TSHR: variants seen among roughly 807,000 people sequenced by gnomAD.
TSHR encodes the protein thyrotropin receptor.
A neutral mutation model predicts 64.1 loss-of-function variants in TSHR; 51 were observed. That is an observed-to-expected ratio of 0.80 (90% confidence interval 0.64 to 1.01). TSHR has a LOEUF of 1.01. Among genes scored for constraint, TSHR ranks in the 50% least tolerant of loss-of-function variants. TSHR has a pLI of 0.00. For missense variants in TSHR, 877 were observed against 942.8 expected (o/e 0.93, Z 0.91); for synonymous variants, 361 against 361.9 (o/e 1.00, Z 0.03).
chr14:80,959,736 G>A (rs1361290658), intron 1 of TSHR, among the ~76,000 whole-genome samples: 8 of 152,150 alleles, frequency 5.3e-5, no homozygotes, highest in Admixed American at 4.6e-4. Flanking sequence ...TTGTTTTCAG[G>A]TTCTGTTTTT....
At position 81,108,464 on chromosome 14, in the gene TSHR, A is replaced by G; in HGVS notation, c.692+12A>G. On this transcript the variant is annotated intron_variant, in intron 8 of 9. Coordinates refer to ENST00000298171, the MANE Select transcript of TSHR (RefSeq NM_000369.5). ...GGACCAAGCTTGCTGTGAGTAAGAC[A>G]TACAAAAGAATATTTTAGTCTTTTT... is the stretch of plus-strand genomic sequence containing the variant. 2 of 1,605,280 alleles carry G rather than the reference A, an allele frequency of 1.2e-6. No homozygotes were observed. Among genetic ancestry groups the G allele is most frequent in the Non-Finnish European group, 1.7e-6 (2 of 1,175,092 alleles).
At chr14:80,999,642 C>G (rs1594935858) in intron 1 of TSHR, among the ~76,000 whole-genome samples, 1 of 152,160 alleles carries the variant, frequency 6.6e-6, no homozygotes, top group Non-Finnish European at 1.5e-5. Context: ...TTAACATTAC[C>G]AGATAGGATG....
chr14:80,978,812 T>C (rs1297183388), intron 1 of TSHR, among the ~76,000 whole-genome samples: 1 of 152,206 alleles, frequency 6.6e-6, no homozygotes, highest in Non-Finnish European at 1.5e-5. Context: ...TGCCTTTCTG[T>C]ACCAGCTTCT....
At chr14:81,060,541 C>A (rs1886161580) in intron 1 of TSHR, among the ~76,000 whole-genome samples, 1 of 152,118 alleles carries the variant, frequency 6.6e-6, no homozygotes, top group Non-Finnish European at 1.5e-5. Flanking sequence ...CTCCCTCCCT[C>A]CATTTTAATA....
At chr14:81,086,552 C>A (rs1352989465) in intron 3 of TSHR, among the ~76,000 whole-genome samples, 1 of 152,100 alleles carries the variant, frequency 6.6e-6, no homozygotes, top group Admixed American at 6.5e-5. Flanking sequence ...ATGTGGAGGC[C>A]AAACATAAAA....
At chr14:81,004,819 G>A (rs367617842) in intron 1 of TSHR, among the ~76,000 whole-genome samples, 13 of 152,272 alleles carry the variant, frequency 8.5e-5, no homozygotes, top group African/African-American at 2.4e-4. Flanking sequence ...TTTAAACAAG[G>A]AAAAACATAT....
In TSHR at chr14:81,062,900, G is replaced by A. The variant is rs1886344271; in HGVS notation, c.242+681G>A. Among the ~76,000 whole-genome samples the A allele has an allele frequency of 2.6e-5, 4 of 152,166 alleles. No homozygotes were observed. The South Asian group carries it at 8.3e-4, about 32-fold the overall frequency. ...GTTTTTGGCCAAATGTACTCACTCC[G>A]TGGCCATTTTGTTAGTGTTTCTGTC... is the stretch of plus-strand genomic sequence containing the variant. On this transcript the variant is annotated intron_variant, in intron 2 of 9. Coordinates refer to ENST00000298171, the MANE Select transcript of TSHR (RefSeq NM_000369.5).
At chr14:80,966,629 G>A (rs762242872) in intron 1 of TSHR, among the ~76,000 whole-genome samples, 7 of 151,952 alleles carry the variant, frequency 4.6e-5, no homozygotes, top group Non-Finnish European at 2.9e-5. Context: ...AACAGAGAAT[G>A]TCAGATGGTG....
At chr14:81,028,335 A>T (rs1323533457) in intron 1 of TSHR, among the ~76,000 whole-genome samples, 3 of 152,172 alleles carry the variant, frequency 2.0e-5, no homozygotes, top group Non-Finnish European at 4.4e-5. Flanking sequence ...AAAATAGTAA[A>T]CAATTATGAA....
chr14:81,095,057 G>A (rs1019607284), intron 6 of TSHR, among the ~76,000 whole-genome samples: 5 of 152,066 alleles, frequency 3.3e-5, no homozygotes, highest in Non-Finnish European at 7.4e-5. Context: ...GTGTTCCCAA[G>A]GTTCACATGT....
chr14:80,978,401 A>G (rs907600007), intron 1 of TSHR, among the ~76,000 whole-genome samples: 1 of 152,220 alleles, frequency 6.6e-6, no homozygotes, highest in Non-Finnish European at 1.5e-5. Context: ...TGGGAAGCAG[A>G]TGCTGAGACA....
intron 8 of TSHR, among the ~76,000 whole-genome samples, chr14:81,128,933 AC>A (rs1174487108): frequency 1.3e-5 from 2 of 152,100 alleles, no homozygotes; most frequent in African/African-American, 4.8e-5. Flanking sequence ...CTACAGTGGT[AC>A]CCCCTTTACT....
At chr14:81,081,587 A>C (rs2139947992) in intron 3 of TSHR, among the ~76,000 whole-genome samples, 1 of 152,350 alleles carries the variant, frequency 6.6e-6, no homozygotes, top group South Asian at 2.1e-4. Context: ...ATCACTGTGC[A>C]TTAAACTTGA....
rs900380058 is a variant in TSHR at position 81,114,377 on chromosome 14, C to G, written c.692+5925C>G. Among the ~76,000 whole-genome samples, 123 of 152,314 alleles carry G rather than the reference C, an allele frequency of 8.1e-4. 1 individual carries two copies. The highest frequency in any genetic ancestry group is 2.8e-3 in the African/African-American group (116 of 41,574). ...CATTGCCTCACTCCAGAAGCGCAAG[C>G]GGTCAGGGAGTTCCCTTTCCTAGTC... On this transcript the variant is annotated intron_variant, in intron 8 of 9. Coordinates refer to ENST00000298171, the MANE Select transcript of TSHR (RefSeq NM_000369.5).
At chr14:81,006,292 G>T (rs1037744650) in intron 1 of TSHR, among the ~76,000 whole-genome samples, 3 of 152,126 alleles carry the variant, frequency 2.0e-5, no homozygotes, top group Non-Finnish European at 2.9e-5. Context: ...AGTTCTGGAG[G>T]CTATAAGTCC....
chr14:80,971,448 G>A (rs1287110541), intron 1 of TSHR, among the ~76,000 whole-genome samples: 6 of 152,200 alleles, frequency 3.9e-5, no homozygotes, highest in Admixed American at 2.6e-4. Context: ...GAATCAAGAA[G>A]AGAACACATT....
chr14:81,014,567 T>G (rs115467701), intron 1 of TSHR, among the ~76,000 whole-genome samples: 1,805 of 152,284 alleles, frequency 0.012, 21 homozygotes, highest in African/African-American at 0.016. Context: ...CCCTGAGAGT[T>G]TGATTGAACA....
intron 1 of TSHR, among the ~76,000 whole-genome samples, chr14:81,015,741 C>A (rs569720905): frequency 2.0e-5 from 3 of 152,064 alleles, no homozygotes; most frequent in Non-Finnish European, 4.4e-5. Flanking sequence ...TCCTGTCTAA[C>A]CGAAATTTTG....
At chr14:81,010,429 T>C (rs1225727756) in intron 1 of TSHR, among the ~76,000 whole-genome samples, 1 of 151,992 alleles carries the variant, frequency 6.6e-6, no homozygotes, top group Non-Finnish European at 1.5e-5. Flanking sequence ...AATAATTTTC[T>C]CAACTGAGAT....
Sources: gnomAD v4.1 joint callset for allele counts (sites outside exome capture counted in the v4.1 genomes callset) on GRCh38, gnomAD v4.1.1 for gene constraint, MANE v1.5 for transcripts, NCBI Gene and HGNC (gene_info 2026-07-23, HGNC 2026-07-21) for gene names.